The following MCM3AP variants were observed in gnomAD, a reference collection of about 807,000 sequenced individuals.
MCM3AP encodes the protein germinal-center associated nuclear protein.
In MCM3AP, 126 loss-of-function variants were observed where a neutral mutation model predicts 184.1. That is an observed-to-expected ratio of 0.68 (90% CI 0.59 to 0.79). The LOEUF is 0.79. MCM3AP is among the 30% of genes least tolerant of loss of function. The probability of loss-of-function intolerance (pLI) is 0.00; values close to 1 mark genes in which losing one functional copy is unlikely to be tolerated. For missense variants in MCM3AP, 2,496 were observed against 2,479.2 expected, an observed-to-expected ratio of 1.01 and a Z score of -0.14; for synonymous variants, 1,002 against 979.3, an observed-to-expected ratio of 1.02 and a Z score of -0.43.
At chr21:46,239,144 C>T (rs1239961221) in intron 26 of MCM3AP, among the ~76,000 whole-genome samples, 6 of 152,220 alleles carry the variant, frequency 3.9e-5, no homozygotes, top group Admixed American at 6.5e-5. Context: ...GAACTGCCTA[C>T]CATGCTCAAG....
intron 20 of MCM3AP, chr21:46,251,205 C>T (rs2080861822): frequency 5.5e-6 from 1 of 180,406 alleles, no homozygotes; most frequent in Non-Finnish European, 1.1e-5. Flanking sequence ...ATGGATGGCT[C>T]TTATCATCAT....
chr21:46,277,287 T>C (rs2081268030), intron 5 of MCM3AP, among the ~76,000 whole-genome samples: 1 of 152,118 alleles, frequency 6.6e-6, no homozygotes, highest in Non-Finnish European at 1.5e-5. Context: ...CCCATTCTTT[T>C]GCATCCTCCC....
chr21:46,267,014 G>GAAGTC lies in MCM3AP; in HGVS notation c.2752_2756dup (p.Phe919LeufsTer18). ...AAACGGTGAGGCCGTGGCAGGTGAGGAAGTCGGTGGCCTCTTCACAGTCTC... is the reference window on the plus strand; with the variant it reads ...AAACGGTGAGGCCGTGGCAGGTGAGGAAGTCAAGTCGGTGGCCTCTTCACAGTCTC... On this transcript the variant is annotated frameshift_variant, in exon 10 of 28. Coordinates refer to ENST00000291688, the MANE Select transcript of MCM3AP (RefSeq NM_003906.5). LOFTEE classifies it high-confidence loss of function. 1 of 1,614,206 alleles carries GAAGTC rather than the reference G, an allele frequency of 6.2e-7. No individual in the cohort carries two copies. Among genetic ancestry groups the GAAGTC allele is most frequent in the Non-Finnish European group, 8.5e-7 (1 of 1,180,048 alleles).
intron 26 of MCM3AP, among the ~76,000 whole-genome samples, chr21:46,238,742 T>TG (rs2080593986): frequency 6.6e-6 from 1 of 151,020 alleles, no homozygotes; most frequent in African/African-American, 2.4e-5. Context: ...CCCAAACCAC[T>TG]TAAATTATAG....
At chr21:46,278,715 CCA>C (rs1444353248) in intron 4 of MCM3AP, among the ~76,000 whole-genome samples, 1 of 151,914 alleles carries the variant, frequency 6.6e-6, no homozygotes, top group Non-Finnish European at 1.5e-5. Flanking sequence ...GCTCTGTTGC[CCA>C]GTCTGGAGTG....
At chr21:46,271,494 A>C (rs2081179183) in intron 8 of MCM3AP, among the ~76,000 whole-genome samples, 1 of 151,938 alleles carries the variant, frequency 6.6e-6, no homozygotes, top group South Asian at 2.1e-4. Flanking sequence ...ACACCTGGTT[A>C]ATTTTATTTA....
In MCM3AP at chr21:46,284,582, CTT is replaced by C. The variant is rs1569085761; in HGVS notation, c.703_704del (p.Lys235GlufsTer4). 6.2e-7 allele frequency: 1 copy of C among 1,614,192 alleles called. No homozygotes were observed. The highest frequency in any genetic ancestry group is 8.5e-7 in the Non-Finnish European group (1 of 1,180,012). On this transcript the variant is annotated frameshift_variant, in exon 1 of 28. Transcript: ENST00000291688. LOFTEE classifies it high-confidence loss of function. ...ALSNQNVEEE[K>X]RGPKSIFGSS... ...TTCCAAATATTGACTTAGGTCCTCT[CTT>C]CTCTTCCTCTACATTTTGGTTTGAC...
Position 46,260,855 on chromosome 21 carries a change from G to A in MCM3AP, c.3519C>T (p.Ala1173=), listed in dbSNP as rs8131674. The A allele has an allele frequency of 1.1e-5, 18 of 1,614,026 alleles. No individual in the cohort carries two copies. The highest frequency in any genetic ancestry group is 1.4e-5 in the Non-Finnish European group (16 of 1,180,020). ...TCATCACGCGTTCCATCAGCTCCACGGCCAGGCCCTGGCTCAGCTCACTTA... is the reference window on the plus strand; with the variant it reads ...TCATCACGCGTTCCATCAGCTCCACAGCCAGGCCCTGGCTCAGCTCACTTA... ...LVLSELSQGL[A]VELMERVMME... is the part of the protein sequence containing the mutation. Residue 1173 remains alanine, a synonymous_variant, in exon 15 of 28, where the codon GCC becomes GCT. Transcript: ENST00000291688.
At chr21:46,255,489 C>T (rs1284937396) in intron 17 of MCM3AP, among the ~76,000 whole-genome samples, 1 of 152,048 alleles carries the variant, frequency 6.6e-6, no homozygotes, top group Non-Finnish European at 1.5e-5. Flanking sequence ...GGTGCTGCAG[C>T]AACATTCCAG....
Position 46,243,731 on chromosome 21 carries a change from A to G in MCM3AP, c.5039-9T>C, listed in dbSNP as rs201817680. 8.7e-6 allele frequency: 14 copies of G among 1,612,906 alleles called. No individual in the cohort carries two copies. The East Asian group carries it at 8.9e-5, about 10-fold the overall frequency. ...CACGGGGAGCCAGGGGGCTGGGGAG[A>G]AAGTGCCTCATTAGTTACAGGTTTG... On this transcript the variant is annotated splice_polypyrimidine_tract_variant and intron_variant, in intron 23 of 27. Coordinates refer to ENST00000291688, the MANE Select transcript of MCM3AP (RefSeq NM_003906.5).
chr21:46,265,925 C>A lies in MCM3AP; in HGVS notation c.3031G>T (p.Gly1011Cys). The change falls in exon 11 of 28, where the codon GGC becomes TGC. Residue 1011 changes from glycine to cysteine, a missense_variant and splice_region_variant. Gly to Cys is a radical substitution (Grantham distance 159). Coordinates refer to ENST00000291688, the MANE Select transcript of MCM3AP (RefSeq NM_003906.5). ...STQRPGSDTV[G>C]GGRGEECGVE... is the part of the protein sequence containing the mutation. ...TCACTACGACTGCAGCTTCACTCAC[C>A]CACTGTGTCGGAGCCGGGTCTCTGG... 2 of 1,564,002 alleles carry A rather than the reference C, an allele frequency of 1.3e-6. No individual in the cohort carries two copies. The highest frequency in any genetic ancestry group is 1.7e-6 in the Non-Finnish European group (2 of 1,150,166).
At chr21:46,281,192 C>G (rs1324356164) in intron 2 of MCM3AP, among the ~76,000 whole-genome samples, 1 of 152,172 alleles carries the variant, frequency 6.6e-6, no homozygotes, top group East Asian at 1.9e-4. Flanking sequence ...ACCAGCTGAT[C>G]ACACATACAG....
rs1201446890 is a variant in MCM3AP, at chr21:46,256,867, C to T, written c.3854G>A (p.Cys1285Tyr). Residue 1285 changes from cysteine (C) to tyrosine (Y), a missense_variant, in exon 17 of 28, where the codon TGC (cysteine) becomes TAC (tyrosine). By Grantham distance (194) the Cys-to-Tyr change is radical. This residue lies in a region of MCM3AP where 1,323 missense variants were observed against 1,273.4 expected (regional missense o/e 1.04). Coordinates refer to ENST00000291688, the MANE Select transcript of MCM3AP (RefSeq NM_003906.5). ...RLRALAPSAECPIAEENLARG... is the reference protein window; with the variant it reads ...RLRALAPSAEYPIAEENLARG... ...GGCCAGGTTCTCTTCAGCAATGGGGCACTCTGCGCTGGGCGCCAGCGCCCT... is the reference window on the plus strand; with the variant it reads ...GGCCAGGTTCTCTTCAGCAATGGGGTACTCTGCGCTGGGCGCCAGCGCCCT... 2 of 1,586,870 alleles carry T rather than the reference C, an allele frequency of 1.3e-6. No individual in the cohort carries two copies. The highest frequency in any genetic ancestry group is 2.3e-5 in the South Asian group (2 of 87,382).
At position 46,283,943 on chromosome 21, in the gene MCM3AP, G is replaced by A. The variant is rs527572614; in HGVS notation, c.1220-105C>T. 738 of 1,541,278 alleles carry A rather than the reference G, an allele frequency of 4.8e-4. 1 individual carries two copies. Among genetic ancestry groups the A allele is most frequent in the Admixed American group, 1.8e-3 (92 of 51,718 alleles). Reference sequence around the variant, plus strand: ...AATTTTCAGATGTAAGACCTGCTCCGATGACATGTTAGAATCCCTAATGTT... The same window carrying A: ...AATTTTCAGATGTAAGACCTGCTCCAATGACATGTTAGAATCCCTAATGTT... On this transcript the variant is annotated intron_variant, in intron 1 of 27. Transcript: ENST00000291688.
chr21:46,243,031 A>G (rs1267970561), intron 24 of MCM3AP, 100 bp from the exon 25 acceptor site: 4 of 1,133,082 alleles, frequency 3.5e-6, no homozygotes, highest in Non-Finnish European at 3.7e-6. Flanking sequence ...AGGTACAAAT[A>G]ATATTTAAAC....
intron 3 of MCM3AP, 135 bp downstream of exon 3, chr21:46,280,362 C>T: frequency 1.2e-6 from 1 of 825,848 alleles, no homozygotes; most frequent in Non-Finnish European, 1.9e-6. Context: ...GCATGAGAAA[C>T]TGAAAAGAGG....
chr21:46,260,091 C>G (rs2081022354), intron 15 of MCM3AP, among the ~76,000 whole-genome samples: 1 of 151,628 alleles, frequency 6.6e-6, no homozygotes, highest in Non-Finnish European at 1.5e-5. Flanking sequence ...AAAAAAAGTG[C>G]AAGAGTCTGC....
rs1046550632 is a variant in MCM3AP, at chr21:46,247,051, A to G, written c.4291-165T>C. 4.2e-5 allele frequency: 26 copies of G among 613,974 alleles called. No homozygotes were observed. In the African/African-American group the frequency reaches 4.6e-4, roughly 11 times the overall value. The allele number at this position is 613,974 out of a possible 1,614,324, so 38.0% of individuals were successfully genotyped here. A position where few individuals can be genotyped will look rare whatever the true frequency, so the allele number is the denominator to read the frequency against. On this transcript the variant is annotated intron_variant, in intron 20 of 27. Coordinates refer to ENST00000291688, the MANE Select transcript of MCM3AP (RefSeq NM_003906.5). The stretch of plus-strand genomic sequence containing the variant: ...GCTGGGCATACCCTGTAGTTATCTT[A>G]CTTCCTGTAGTTATTTTAATTCCTG...
In MCM3AP at chr21:46,239,704, T is replaced by C. The variant is rs138087803; in HGVS notation, c.5633+1107A>G. Among the ~76,000 whole-genome samples the C allele has an allele frequency of 3.0e-3, 460 of 152,316 alleles. 3 individuals are homozygous for C. Among genetic ancestry groups the C allele is most frequent in the Non-Finnish European group, 5.1e-3 (350 of 68,026 alleles). On this transcript the variant is annotated intron_variant, in intron 26 of 27. Transcript: ENST00000291688. ...GAGGTTTGAGATACAAATTTGGAGC[T>C]GTCAGAATAGTGATGTTACTTAAAA...
Sources: allele counts gnomAD v4.1 joint callset (sites outside exome capture counted in the v4.1 genomes callset), GRCh38; gene constraint gnomAD v4.1.1; regional missense constraint gnomAD v4.1.1; transcripts MANE v1.5; gene names NCBI Gene and HGNC (gene_info 2026-07-23, HGNC 2026-07-21).